The following STIM2 variants were observed in gnomAD, a reference collection of about 807,000 sequenced individuals.
STIM2 encodes stromal interaction molecule 2.
STIM2 carries 31 observed loss-of-function variants against 85.8 expected under a neutral mutation model. That is an observed-to-expected ratio of 0.36 (90% CI 0.27 to 0.49). The LOEUF is 0.49. Among genes scored for constraint, STIM2 ranks in the 20% least tolerant of loss-of-function variants. The pLI is 0.98. For synonymous variants in STIM2, 356 were observed against 331.1 expected (o/e 1.08, Z -0.82); for missense variants, 841 against 927.6 (o/e 0.91, Z 1.21).
At chr4:26,874,041 G>A in intron 1 of STIM2, 1 of 686,814 alleles carries the variant, frequency 1.5e-6, no homozygotes, top group African/African-American at 1.8e-5. Context: ...TTGGTGTCAG[G>A]ACTCCTGGAT....
At chr4:26,977,672 TC>T (rs1727246960) in intron 3 of STIM2, among the ~76,000 whole-genome samples, 1 of 152,170 alleles carries the variant, frequency 6.6e-6, no homozygotes, top group Non-Finnish European at 1.5e-5. Flanking sequence ...GAATAAAAGT[TC>T]ATTCTTAGGT....
chr4:26,996,033 C>T (rs575167146), intron 4 of STIM2, among the ~76,000 whole-genome samples: 1 of 151,798 alleles, frequency 6.6e-6, no homozygotes, highest in South Asian at 2.1e-4. Flanking sequence ...ATATATTGTC[C>T]TTCCCATTTT....
At chr4:26,864,257 C>G (rs1184929823) in intron 1 of STIM2, among the ~76,000 whole-genome samples, 3 of 151,928 alleles carry the variant, frequency 2.0e-5, no homozygotes, top group Non-Finnish European at 4.4e-5. Flanking sequence ...ATATACAGCG[C>G]TTATATATTT....
chr4:26,921,199 A>G (rs895858083), intron 2 of STIM2, among the ~76,000 whole-genome samples: 2 of 152,220 alleles, frequency 1.3e-5, no homozygotes, highest in African/African-American at 4.8e-5. Context: ...AAATCAAGGA[A>G]TGCTAAGGAT....
At chr4:26,937,859 C>T (rs1309234179) in intron 2 of STIM2, among the ~76,000 whole-genome samples, 1 of 152,218 alleles carries the variant, frequency 6.6e-6, no homozygotes, top group Non-Finnish European at 1.5e-5. Context: ...CTGCTAAACA[C>T]TGGCTCTACC....
intron 3 of STIM2, 83 bp from the exon 4 acceptor site, chr4:26,995,296 C>A (rs1436145669): frequency 2.8e-6 from 2 of 718,884 alleles, no homozygotes; most frequent in African/African-American, 3.7e-5. Flanking sequence ...AATCTAATAT[C>A]TTTATATTCT....
intron 1 of STIM2, among the ~76,000 whole-genome samples, chr4:26,902,881 C>T (rs1026542575): frequency 6.6e-6 from 1 of 151,914 alleles, no homozygotes; most frequent in Non-Finnish European, 1.5e-5. Flanking sequence ...GTTTATGGGG[C>T]CAAAAATAAA....
intron 4 of STIM2, 115 bp downstream of exon 4, chr4:26,995,605 T>C (rs186258916): frequency 0.014 from 6,658 of 460,916 alleles, 71 homozygotes; most frequent in Non-Finnish European, 0.017. Context: ...AAAGGAAATA[T>C]AAATATATCC....
intron 2 of STIM2, among the ~76,000 whole-genome samples, chr4:26,928,478 C>T (rs1214594223): frequency 6.6e-6 from 1 of 152,084 alleles, no homozygotes; most frequent in African/African-American, 2.4e-5. Context: ...CATTATAATT[C>T]TTAGAAGTAC....
chr4:26,912,687 TATG>T (rs932921210), intron 1 of STIM2, among the ~76,000 whole-genome samples: 6 of 152,230 alleles, frequency 3.9e-5, no homozygotes, highest in African/African-American at 1.4e-4. Flanking sequence ...CTCACTTCAA[TATG>T]ATCTTTTATT....
chr4:26,999,773 T>C (rs914345424), intron 5 of STIM2, among the ~76,000 whole-genome samples: 3 of 152,100 alleles, frequency 2.0e-5, no homozygotes, highest in Admixed American at 6.5e-5. Flanking sequence ...GATTTTTAGG[T>C]ATAGATGGAA....
chr4:26,892,392 A>G (rs983223033), intron 1 of STIM2, among the ~76,000 whole-genome samples: 2 of 152,148 alleles, frequency 1.3e-5, no homozygotes, highest in Admixed American at 1.3e-4. Flanking sequence ...GACAGCAGAG[A>G]GAGCGAGTGA....
At chr4:26,956,626 A>G (rs1018397494) in intron 2 of STIM2, among the ~76,000 whole-genome samples, 4 of 152,102 alleles carry the variant, frequency 2.6e-5, no homozygotes, top group African/African-American at 9.7e-5. Context: ...TGTAAAGTAT[A>G]CTTTAGCTCT....
intron 10 of STIM2, among the ~76,000 whole-genome samples, chr4:27,010,488 TA>T (rs1395184445): frequency 6.6e-6 from 1 of 152,126 alleles, no homozygotes; most frequent in Non-Finnish European, 1.5e-5. Context: ...TTATTATCTC[TA>T]AAAAATAACT....
At chr4:26,956,763 G>A (rs1726259114) in intron 2 of STIM2, among the ~76,000 whole-genome samples, 1 of 152,100 alleles carries the variant, frequency 6.6e-6, no homozygotes, top group South Asian at 2.1e-4. Flanking sequence ...CTGTCACCAA[G>A]TATTTGGTAA....
intron 5 of STIM2, among the ~76,000 whole-genome samples, chr4:27,000,197 AT>A (rs1366954059): frequency 6.6e-6 from 1 of 152,184 alleles, no homozygotes; most frequent in Non-Finnish European, 1.5e-5. Flanking sequence ...CATCTTGGGA[AT>A]GGCCCTTCTA....
intron 2 of STIM2, among the ~76,000 whole-genome samples, chr4:26,935,810 C>T (rs1725371168): frequency 1.3e-5 from 2 of 152,146 alleles, no homozygotes; most frequent in African/African-American, 4.8e-5. Context: ...TGGTTCATGA[C>T]TTACTCTTTG....
intron 1 of STIM2, among the ~76,000 whole-genome samples, chr4:26,902,297 G>T (rs1723953530): frequency 6.6e-6 from 1 of 152,126 alleles, no homozygotes; most frequent in Non-Finnish European, 1.5e-5. Context: ...ATATGCAGAT[G>T]TCGTTCTCAC....
intron 1 of STIM2, among the ~76,000 whole-genome samples, chr4:26,868,144 A>G (rs1475025730): frequency 6.6e-6 from 1 of 152,200 alleles, no homozygotes; most frequent in Admixed American, 6.5e-5. Flanking sequence ...AATAATGTCT[A>G]TTCAGTGTTT....
Sources: gnomAD v4.1 joint callset for allele counts (sites outside exome capture counted in the v4.1 genomes callset) on GRCh38, gnomAD v4.1.1 for gene constraint, MANE v1.5 for transcripts, NCBI Gene and HGNC (gene_info 2026-07-23, HGNC 2026-07-21) for gene names.